The following SVOP variants were observed in gnomAD, a reference collection of about 807,000 sequenced individuals.
SVOP encodes the protein synaptic vesicle 2-related protein.
SVOP carries 17 observed loss-of-function variants against 69.1 expected under a neutral mutation model. The ratio of observed to expected loss-of-function variants is 0.25; its 90% CI spans 0.17 to 0.37. The LOEUF is 0.37. Ranked by LOEUF, SVOP falls within the 10% of genes least tolerant of loss-of-function variation. SVOP has a pLI of 1.00. For synonymous variants in SVOP, 238 were observed against 238.6 expected, an observed-to-expected ratio of 1.00 and a Z score of 0.02; for missense variants, 435 against 597.5, an observed-to-expected ratio of 0.73 and a Z score of 2.84.
intron 1 of SVOP, among the ~76,000 whole-genome samples, chr12:108,995,111 T>C (rs891014267): frequency 2.0e-5 from 3 of 151,790 alleles, no homozygotes; most frequent in African/African-American, 7.3e-5. Flanking sequence ...CACCACAGCA[T>C]TCCAGCCTGG....
intron 5 of SVOP, among the ~76,000 whole-genome samples, chr12:108,967,517 AAAAG>A (rs950256441): frequency 3.3e-5 from 5 of 151,596 alleles, no homozygotes; most frequent in Non-Finnish European, 5.9e-5. Flanking sequence ...AAAAAGGAAA[AAAAG>A]AAAGAAAGAA....
rs1234511417 is a variant in SVOP at position 108,940,780 on chromosome 12, C to G, written c.768+4G>C. ...AAAGGTGAAATCTCTTAAAGGATAC[C>G]TACGAAACACAGCACGGCAAAGAGG... On this transcript the variant is annotated splice_donor_region_variant and intron_variant, in intron 8 of 15. Transcript: ENST00000610966. 3 of 1,536,886 alleles carry G rather than the reference C, an allele frequency of 2.0e-6. No homozygotes were observed. The highest frequency in any genetic ancestry group is 2.7e-5 in the African/African-American group (2 of 73,028).
At chr12:108,968,282 G>A (rs563994686) in intron 5 of SVOP, among the ~76,000 whole-genome samples, 12 of 152,238 alleles carry the variant, frequency 7.9e-5, no homozygotes. Context: ...AACAAATGCA[G>A]CCCCTTTCCT....
At chr12:108,972,066 A>T (rs138606050) in intron 5 of SVOP, among the ~76,000 whole-genome samples, 69 of 150,860 alleles carry the variant, frequency 4.6e-4, no homozygotes, top group African/African-American at 1.5e-3. Context: ...AAAAAACCCA[A>T]AATTTGAGAA....
In SVOP at chr12:108,917,730, A is replaced by G. The variant is rs113996047; in HGVS notation, c.1350+313T>C. On this transcript the variant is annotated intron_variant, in intron 14 of 15. Coordinates refer to ENST00000610966, the MANE Select transcript of SVOP (RefSeq NM_018711.5). Reference sequence around the variant, plus strand: ...TGACCATGGCTCACTGCAGCCTTCAACTCCTAGGCTCAAGTGATCCTCCCA... The same window carrying G: ...TGACCATGGCTCACTGCAGCCTTCAGCTCCTAGGCTCAAGTGATCCTCCCA... Among the ~76,000 whole-genome samples, 380 of 151,678 alleles carry G rather than the reference A, an allele frequency of 2.5e-3. 3 individuals are homozygous for G. The highest frequency in any genetic ancestry group is 8.3e-3 in the African/African-American group (345 of 41,322).
At chr12:108,983,093 A>G (rs1453031267) in intron 2 of SVOP, among the ~76,000 whole-genome samples, 1 of 150,934 alleles carries the variant, frequency 6.6e-6, no homozygotes, top group African/African-American at 2.4e-5. Flanking sequence ...GATCACCATC[A>G]TCATGATCAC....
chr12:108,982,293 TCAC>T (rs1390602668), intron 2 of SVOP, among the ~76,000 whole-genome samples: 4 of 149,466 alleles, frequency 2.7e-5, no homozygotes, highest in African/African-American at 7.4e-5. Context: ...ATCACCATCA[TCAC>T]CACCACCACC....
At chr12:108,984,266 C>T (rs1293437108) in intron 1 of SVOP, among the ~76,000 whole-genome samples, 3 of 152,322 alleles carry the variant, frequency 2.0e-5, no homozygotes, top group Non-Finnish European at 2.9e-5. Flanking sequence ...GATCCTCCCT[C>T]GTCAGCCTCC....
At position 108,938,818 on chromosome 12, in the gene SVOP, G is replaced by A; in HGVS notation, c.897+9C>T. Reference sequence around the variant, plus strand: ...GCACATTGCAGAGTCTATTGGTCCAGGCACTGACCTGTCTGGAGATGATGA... The same window carrying A: ...GCACATTGCAGAGTCTATTGGTCCAAGCACTGACCTGTCTGGAGATGATGA... On this transcript the variant is annotated intron_variant, in intron 9 of 15. Coordinates refer to ENST00000610966, the MANE Select transcript of SVOP (RefSeq NM_018711.5). 1 of 1,613,996 alleles carries A rather than the reference G, an allele frequency of 6.2e-7. No individual in the cohort carries two copies. Among genetic ancestry groups the A allele is most frequent in the Non-Finnish European group, 8.5e-7 (1 of 1,179,860 alleles).
intron 7 of SVOP, among the ~76,000 whole-genome samples, chr12:108,942,940 G>A (rs1364558243): frequency 6.6e-6 from 1 of 151,692 alleles, no homozygotes; most frequent in Non-Finnish European, 1.5e-5. Context: ...AATTTTTTTT[G>A]TTGAGATGGA....
At chr12:108,994,273 C>T (rs2040219393) in intron 1 of SVOP, among the ~76,000 whole-genome samples, 2 of 151,840 alleles carry the variant, frequency 1.3e-5, no homozygotes, top group South Asian at 4.2e-4. Flanking sequence ...GTGAGCAGAT[C>T]ATTTGAGGTC....
At chr12:108,987,168 G>A (rs2040170392) in intron 1 of SVOP, among the ~76,000 whole-genome samples, 1 of 152,126 alleles carries the variant, frequency 6.6e-6, no homozygotes, top group African/African-American at 2.4e-5. Context: ...GACTCCTCTA[G>A]GGATCTCAGA....
intron 12 of SVOP, 62 bp from the exon 13 acceptor site, chr12:108,919,848 C>G: frequency 8.9e-7 from 1 of 1,128,868 alleles, no homozygotes; most frequent in South Asian, 1.4e-5. Flanking sequence ...CCTCCATCCT[C>G]GTAGCACAGC....
At chr12:108,991,106 TGA>T (rs1248811904) in intron 1 of SVOP, among the ~76,000 whole-genome samples, 1 of 152,158 alleles carries the variant, frequency 6.6e-6, no homozygotes, top group Non-Finnish European at 1.5e-5. Flanking sequence ...CGTCCTACCC[TGA>T]GAGACCTATG....
chr12:108,919,304 TACCCACACCTGGGCCTGC>T (rs144401391), intron 13 of SVOP, among the ~76,000 whole-genome samples: 10,191 of 141,072 alleles, frequency 0.072, 440 homozygotes, highest in Non-Finnish European at 0.11. Flanking sequence ...CTTGGGCCAA[TACCCACACCTGGGCCTGC>T]ACCCACACCT....
intron 1 of SVOP, among the ~76,000 whole-genome samples, chr12:109,001,786 T>C (rs2040271982): frequency 6.6e-6 from 1 of 151,656 alleles, no homozygotes; most frequent in African/African-American, 2.4e-5. Flanking sequence ...ATCCCTTCCT[T>C]ACACCTTATA....
chr12:109,006,180 G>C (rs999253169), intron 1 of SVOP, among the ~76,000 whole-genome samples: 8 of 152,104 alleles, frequency 5.3e-5, no homozygotes, highest in Non-Finnish European at 1.2e-4. Context: ...AACCTCCCAA[G>C]TAGCTGGGAT....
At chr12:108,986,479 C>CTTTG (rs1167898334) in intron 1 of SVOP, among the ~76,000 whole-genome samples, 3 of 152,136 alleles carry the variant, frequency 2.0e-5, no homozygotes, top group African/African-American at 7.2e-5. Flanking sequence ...AGAGAAATAT[C>CTTTG]TTTGTTTCTG....
chr12:109,001,137 C>G (rs2040266701), intron 1 of SVOP, among the ~76,000 whole-genome samples: 1 of 133,132 alleles, frequency 7.5e-6, no homozygotes, highest in South Asian at 2.9e-4. Context: ...AATCAATGTA[C>G]AAAAATCACA....
Sources: gnomAD v4.1 joint callset for allele counts (sites outside exome capture counted in the v4.1 genomes callset) on GRCh38, gnomAD v4.1.1 for gene constraint, MANE v1.5 for transcripts, NCBI Gene and HGNC (gene_info 2026-07-23, HGNC 2026-07-21) for gene names.